DPY19L3: variants seen among roughly 807,000 people sequenced by gnomAD.
The protein encoded by DPY19L3 is dpy-19 like C-mannosyltransferase 3.
DPY19L3 carries 51 observed loss-of-function variants against 92.3 expected under a neutral mutation model. The observed-to-expected ratio is 0.55, with a 90% CI of 0.44 to 0.70. The LOEUF is 0.70. Ranked by LOEUF, DPY19L3 falls within the 30% of genes least tolerant of loss-of-function variation. DPY19L3 has a pLI of 0.00. For synonymous variants in DPY19L3, 309 were observed against 315.2 expected, an observed-to-expected ratio of 0.98 and a Z score of 0.21; for missense variants, 706 against 855.9, an observed-to-expected ratio of 0.82 and a Z score of 2.18.
rs1192786918 is a variant in DPY19L3 at position 32,408,213 on chromosome 19, C to G, written c.-37-4C>G. On this transcript the variant is annotated splice_polypyrimidine_tract_variant and splice_region_variant and intron_variant, in intron 1 of 18. Coordinates refer to ENST00000392250, the MANE Select transcript of DPY19L3 (RefSeq NM_001172774.2). ...ACGTTGATGGCCTGTTTATTGCTATCTAGGAGTGATTTGGAGAACAATGCA... is the reference window on the plus strand; with the variant it reads ...ACGTTGATGGCCTGTTTATTGCTATGTAGGAGTGATTTGGAGAACAATGCA... 6.9e-7 allele frequency: 1 copy of G among 1,456,860 alleles called. No homozygotes were observed. Among genetic ancestry groups the G allele is most frequent in the South Asian group, 1.2e-5 (1 of 86,572 alleles). The allele number at this position is 1,456,860 out of a possible 1,614,324, so 90.2% of individuals were successfully genotyped here.
Position 32,432,479 on chromosome 19 carries a change from AT to A in DPY19L3, c.238-229del, listed in dbSNP as rs542455581. Among the ~76,000 whole-genome samples, 6 of 152,028 alleles carry A rather than the reference AT, an allele frequency of 3.9e-5. No individual in the cohort carries two copies. In the South Asian group the frequency reaches 1.0e-3, roughly 26 times the overall value. On this transcript the variant is annotated intron_variant, in intron 3 of 18. Coordinates refer to ENST00000392250, the MANE Select transcript of DPY19L3 (RefSeq NM_001172774.2). ...TAGGAATGGTGATGTATTCTTTAAA[AT>A]TTTTTTTAAGATTAAACATTCACTA...
At chr19:32,434,078 A>G (rs1010064090) in intron 4 of DPY19L3, among the ~76,000 whole-genome samples, 1 of 152,176 alleles carries the variant, frequency 6.6e-6, no homozygotes. Flanking sequence ...TTTTTTCCCC[A>G]TACAATCAAA....
chr19:32,444,873 A>C (rs909863338), intron 8 of DPY19L3, among the ~76,000 whole-genome samples: 5 of 151,150 alleles, frequency 3.3e-5, no homozygotes, highest in Non-Finnish European at 5.9e-5. Flanking sequence ...GCTTGAGCCC[A>C]GGAGTTTGAG....
Position 32,464,731 on chromosome 19 carries a change from T to A in DPY19L3, c.1561T>A (p.Cys521Ser). Residue 521 changes from cysteine to serine, a missense_variant, in exon 15 of 19, where the codon TGT (cysteine) becomes AGT (serine). Transcript: ENST00000392250. ...SVHLYNPKRI[C>S]IMRYSVPILI... ...AAATAATGTCTTTCTTATATAGATA[T>A]GTATAATGCGATATTCAGTACCGAT... 1 of 1,471,344 alleles carries A rather than the reference T, an allele frequency of 6.8e-7. No homozygotes were observed. Among genetic ancestry groups the A allele is most frequent in the Non-Finnish European group, 9.3e-7 (1 of 1,078,036 alleles). 91.1% of individuals were successfully genotyped at this position (1,471,344 alleles called of 1,614,324 possible).
At chr19:32,421,133 TC>T (rs1301358712) in intron 3 of DPY19L3, among the ~76,000 whole-genome samples, 1 of 152,238 alleles carries the variant, frequency 6.6e-6, no homozygotes, top group Non-Finnish European at 1.5e-5. Flanking sequence ...ATTTCCATGC[TC>T]CCAACTTTGG....
intron 3 of DPY19L3, among the ~76,000 whole-genome samples, chr19:32,419,673 AGCCTCCCACCTGG>A (rs1239503954): frequency 6.6e-6 from 1 of 152,008 alleles, no homozygotes; most frequent in Non-Finnish European, 1.5e-5. Flanking sequence ...GCCTCAAGCA[AGCCTCCCACCTGG>A]GCCTCCCAAA....
intron 15 of DPY19L3, among the ~76,000 whole-genome samples, chr19:32,465,150 T>G (rs1328121283): frequency 1.3e-5 from 2 of 152,252 alleles, no homozygotes; most frequent in Non-Finnish European, 2.9e-5. Context: ...GATTTTTAAA[T>G]GTATCTTACT....
At chr19:32,428,554 G>T (rs1024212078) in intron 3 of DPY19L3, among the ~76,000 whole-genome samples, 9 of 152,192 alleles carry the variant, frequency 5.9e-5, no homozygotes, top group Non-Finnish European at 7.4e-5. Context: ...ACCAGGCTTA[G>T]AGGGTTCTTG....
rs1182729085 is a variant in DPY19L3 at position 32,436,403 on chromosome 19, A to G, written c.329-43A>G. ...CATAGTTTTGAATGAATGAATAATT[A>G]TGAGTGTAATTATTTTCTTCCTGAC... On this transcript the variant is annotated intron_variant, in intron 4 of 18. Coordinates refer to ENST00000392250, the MANE Select transcript of DPY19L3 (RefSeq NM_001172774.2). 3 of 1,356,548 alleles carry G rather than the reference A, an allele frequency of 2.2e-6. No individual in the cohort carries two copies. In the East Asian group the frequency reaches 7.3e-5, roughly 33 times the overall value. 84.0% of individuals were successfully genotyped at this position (1,356,548 alleles called of 1,614,324 possible). A position where few individuals can be genotyped will look rare whatever the true frequency, so the allele number is the denominator to read the frequency against.
chr19:32,422,504 A>G (rs894518516), intron 3 of DPY19L3, among the ~76,000 whole-genome samples: 1 of 152,110 alleles, frequency 6.6e-6, no homozygotes, highest in African/African-American at 2.4e-5. Context: ...AGAGAGGTCA[A>G]CAAAATGAAA....
chr19:32,450,637 C>T (rs998831448), intron 8 of DPY19L3, among the ~76,000 whole-genome samples: 20 of 152,136 alleles, frequency 1.3e-4, no homozygotes, highest in African/African-American at 4.8e-4. Context: ...CACTTTATTC[C>T]ATTTCTGTGA....
At chr19:32,476,922 G>T (rs1255332543) in intron 16 of DPY19L3, among the ~76,000 whole-genome samples, 2 of 152,008 alleles carry the variant, frequency 1.3e-5, no homozygotes, top group Non-Finnish European at 2.9e-5. Context: ...ATTTATGGTG[G>T]TATCTGTGAT....
chr19:32,469,963 C>G (rs2868086), intron 16 of DPY19L3, among the ~76,000 whole-genome samples: 86,780 of 152,002 alleles, frequency 0.57, 25,264 homozygotes, highest in East Asian at 0.63. Flanking sequence ...GCTGGATTGT[C>G]TGCGTCCCAT....
intron 8 of DPY19L3, among the ~76,000 whole-genome samples, chr19:32,440,359 AT>A (rs548402169): frequency 1.1e-3 from 161 of 152,350 alleles, no homozygotes; most frequent in African/African-American, 3.5e-3. Flanking sequence ...CACATGTGAA[AT>A]AAAGAAACCA....
At chr19:32,427,475 T>C (rs1408035026) in intron 3 of DPY19L3, among the ~76,000 whole-genome samples, 1 of 152,224 alleles carries the variant, frequency 6.6e-6, no homozygotes, top group East Asian at 1.9e-4. Context: ...TCCACTGTTA[T>C]TCTTATTTAC....
chr19:32,462,634 G>A (rs1237810676), intron 12 of DPY19L3, among the ~76,000 whole-genome samples: 2 of 152,110 alleles, frequency 1.3e-5, no homozygotes, highest in African/African-American at 4.8e-5. Flanking sequence ...CAGGACATAT[G>A]TTCTCTATTC....
intron 8 of DPY19L3, among the ~76,000 whole-genome samples, chr19:32,445,075 CA>C (rs771623749): frequency 2.0e-3 from 110 of 54,566 alleles, no homozygotes; most frequent in Middle Eastern, 0.014. Flanking sequence ...GACCCAGTCT[CA>C]AAAAAAAAAA....
At chr19:32,461,434 A>G (rs1487394379) in intron 12 of DPY19L3, among the ~76,000 whole-genome samples, 1 of 152,220 alleles carries the variant, frequency 6.6e-6, no homozygotes, top group Non-Finnish European at 1.5e-5. Flanking sequence ...TCTCTTAGGT[A>G]TCTAGAGAGG....
intron 15 of DPY19L3, 123 bp downstream of exon 15, chr19:32,464,907 A>C: frequency 2.2e-6 from 1 of 453,848 alleles, no homozygotes; most frequent in East Asian, 3.6e-5. Flanking sequence ...ATACCTCCTT[A>C]GCTTCTTACT....
Sources: gnomAD v4.1 joint callset for allele counts (sites outside exome capture counted in the v4.1 genomes callset) on GRCh38, gnomAD v4.1.1 for gene constraint, MANE v1.5 for transcripts, NCBI Gene and HGNC (gene_info 2026-07-23, HGNC 2026-07-21) for gene names.